SNRPD3: variants seen among roughly 807,000 people sequenced by gnomAD.
The protein encoded by SNRPD3 is small nuclear ribonucleoprotein Sm D3.
For missense variants in SNRPD3, 73 were observed against 167.5 expected (o/e 0.44, Z 3.11); for synonymous variants, 66 against 58.4 (o/e 1.13, Z -0.59).
At chr22:24,556,114 G>A in intron 1 of SNRPD3, 43 bp downstream of exon 1, 1 of 547,738 alleles carries the variant, frequency 1.8e-6, no homozygotes, top group Non-Finnish European at 3.3e-6. Flanking sequence ...GCGCCTGTGA[G>A]GGGCCAGGGG....
At chr22:24,571,055 G>C (rs2045245987) in intron 3 of SNRPD3, among the ~76,000 whole-genome samples, 1 of 152,012 alleles carries the variant, frequency 6.6e-6, no homozygotes, top group South Asian at 2.1e-4. Flanking sequence ...ATGACCTCAA[G>C]TGATCTGCCT....
chr22:24,565,753 C>A (rs752572750), intron 2 of SNRPD3, among the ~76,000 whole-genome samples: 1 of 152,052 alleles, frequency 6.6e-6, no homozygotes, highest in Non-Finnish European at 1.5e-5. Context: ...CTCTACCTCC[C>A]GGGTTCAAGT....
chr22:24,567,767 A>T (rs201425088), intron 2 of SNRPD3, among the ~76,000 whole-genome samples: 1 of 14,700 alleles, frequency 6.8e-5, no homozygotes, highest in Admixed American at 1.1e-3. Context: ...GGGGGGGAGC[A>T]CTCATACCCA....
rs2045263291 is a variant in SNRPD3, at chr22:24,573,058, A to G, written c.*1081A>G. On this transcript the variant is annotated 3_prime_UTR_variant, in exon 4 of 4. Coordinates refer to ENST00000215829, the MANE Select transcript of SNRPD3 (RefSeq NM_004175.5). The stretch of plus-strand genomic sequence containing the variant: ...TCTCTACAAAAAATTCTAAAAATTA[A>G]CTTGGCATGGTGGTGCACACCTGTA... Among the ~76,000 whole-genome samples, 1 of 151,940 alleles carries G rather than the reference A, an allele frequency of 6.6e-6. No individual in the cohort carries two copies. Among genetic ancestry groups the G allele is most frequent in the Admixed American group, 6.6e-5 (1 of 15,240 alleles).
At chr22:24,558,173 T>C (rs2045099102) in intron 2 of SNRPD3, 1 of 158,534 alleles carries the variant, frequency 6.3e-6, no homozygotes. Flanking sequence ...ACCTACTGTA[T>C]TTGTTTCCCT....
At chr22:24,570,510 C>G (rs2147131411) in intron 3 of SNRPD3, among the ~76,000 whole-genome samples, 1 of 152,096 alleles carries the variant, frequency 6.6e-6, no homozygotes, top group East Asian at 1.9e-4. Context: ...CAGTGAAACC[C>G]CGTCTCTACT....
Position 24,572,898 on chromosome 22 carries a change from C to G in SNRPD3, c.*921C>G. ...CAGAGCATCTCAGCATTGATTGGCA[C>G]ATCCATAGTTGTTAATGTAGGAAGG... On this transcript the variant is annotated 3_prime_UTR_variant, in exon 4 of 4. Coordinates refer to ENST00000215829, the MANE Select transcript of SNRPD3 (RefSeq NM_004175.5). 1 of 152,252 alleles carries G rather than the reference C, an allele frequency of 6.6e-6. No individual in the cohort carries two copies. Among genetic ancestry groups the G allele is most frequent in the East Asian group, 1.9e-4 (1 of 5,208 alleles). 9.4% of individuals were successfully genotyped at this position (152,252 alleles called of 1,614,324 possible). A position where few individuals can be genotyped will look rare whatever the true frequency, so the allele number is the denominator to read the frequency against.
chr22:24,566,458 C>A (rs948082248), intron 2 of SNRPD3, among the ~76,000 whole-genome samples: 2 of 152,060 alleles, frequency 1.3e-5, no homozygotes, highest in Non-Finnish European at 2.9e-5. Flanking sequence ...GATGAGGTCT[C>A]ACTGTGTTGC....
intron 2 of SNRPD3, among the ~76,000 whole-genome samples, chr22:24,563,202 ATATATGTGTGTG>A (rs1274857573): frequency 7.2e-6 from 1 of 138,814 alleles, no homozygotes; most frequent in Non-Finnish European, 1.5e-5. Flanking sequence ...ACCCTGTCTC[ATATATGTGTGTG>A]TGTGTGTGTG....
At chr22:24,557,537 T>C (rs2045088981) in intron 1 of SNRPD3, 120 bp from the exon 2 acceptor site, 2 of 644,924 alleles carry the variant, frequency 3.1e-6, no homozygotes, top group South Asian at 3.7e-5. Flanking sequence ...TGGTAGAAAA[T>C]GCAGCTTTGG....
At chr22:24,555,798 C>A, upstream of SNRPD3, 9 of 1,548,824 alleles carry the variant, frequency 5.8e-6, no homozygotes, top group Non-Finnish European at 7.8e-6. Flanking sequence ...CCCCAAGGGT[C>A]GTTGCGGCGG....
At chr22:24,561,708 T>A (rs1439085934) in intron 2 of SNRPD3, among the ~76,000 whole-genome samples, 1 of 152,190 alleles carries the variant, frequency 6.6e-6, no homozygotes, top group Non-Finnish European at 1.5e-5. Context: ...TTTTCTGTTA[T>A]AAAAGTGGGG....
In SNRPD3 at chr22:24,560,715, CT is replaced by C. The variant is rs59348518; in HGVS notation, c.126+2945del. ...ACAGGCGTGAGCCACTGCACCTGGC[CT>C]TTTTTTTTTTTTTTTTTTTTTTTTT... On this transcript the variant is annotated intron_variant, in intron 2 of 3. Coordinates refer to ENST00000215829, the MANE Select transcript of SNRPD3 (RefSeq NM_004175.5). 1.9e-4 allele frequency among the ~76,000 whole-genome samples: 19 copies of C among 98,848 alleles called. 2 individuals are homozygous for C. Among genetic ancestry groups the C allele is most frequent in the South Asian group, 1.1e-3 (3 of 2,768 alleles). 64.8% of individuals were successfully genotyped at this position (98,848 alleles called of 152,430 possible). A position where few individuals can be genotyped will look rare whatever the true frequency, so the allele number is the denominator to read the frequency against.
At chr22:24,569,613 A>T (rs572946178) in intron 3 of SNRPD3, among the ~76,000 whole-genome samples, 1 of 152,290 alleles carries the variant, frequency 6.6e-6, no homozygotes, top group South Asian at 2.1e-4. Flanking sequence ...GAAAAACCAC[A>T]GGTTGAGGGC....
At chr22:24,563,471 G>A (rs1456919199) in intron 2 of SNRPD3, among the ~76,000 whole-genome samples, 1 of 151,976 alleles carries the variant, frequency 6.6e-6, no homozygotes, top group Non-Finnish European at 1.5e-5. Flanking sequence ...CCAAGCACTG[G>A]TGGCCAGTGC....
intron 2 of SNRPD3, among the ~76,000 whole-genome samples, chr22:24,563,308 T>TA (rs1258332906): frequency 3.5e-4 from 44 of 124,892 alleles, no homozygotes; most frequent in East Asian, 1.7e-3. Context: ...ATATATATAT[T>TA]TTTTTTTTTA....
intron 2 of SNRPD3, among the ~76,000 whole-genome samples, chr22:24,562,361 G>A (rs2045151785): frequency 6.6e-6 from 1 of 152,166 alleles, no homozygotes; most frequent in Non-Finnish European, 1.5e-5. Flanking sequence ...CTAACACGGT[G>A]AAACCCTGTC....
rs929608803 is a variant in SNRPD3, at chr22:24,573,174, A to G, written c.*1197A>G. Among the ~76,000 whole-genome samples, 6 of 152,276 alleles carry G rather than the reference A, an allele frequency of 3.9e-5. No homozygotes were observed. The highest frequency in any genetic ancestry group is 1.3e-4 in the Admixed American group (2 of 15,296). Reference sequence around the variant, plus strand: ...AGCTATGACCTTGCCACTGTACTCCAGCCTGGGCAAAAGAGCAAGACTTTG... The same window carrying G: ...AGCTATGACCTTGCCACTGTACTCCGGCCTGGGCAAAAGAGCAAGACTTTG... On this transcript the variant is annotated 3_prime_UTR_variant, in exon 4 of 4. Coordinates refer to ENST00000215829, the MANE Select transcript of SNRPD3 (RefSeq NM_004175.5).
rs2045212502 is a variant in SNRPD3 at position 24,568,010 on chromosome 22, A to G, written c.153A>G (p.Arg51=). 1.2e-6 allele frequency: 2 copies of G among 1,610,800 alleles called. No homozygotes were observed. The highest frequency in any genetic ancestry group is 8.5e-7 in the Non-Finnish European group (1 of 1,178,802). The change falls in exon 3 of 4, where the codon AGA becomes AGG. Residue 51 remains arginine (R), a synonymous_variant. Transcript: ENST00000215829. ...CQMSNITVTY[R]DGRVAQLEQV... is the part of the protein sequence containing the mutation. ...TGTCCAACATCACAGTCACATACAG[A>G]GATGGCCGAGTGGCACAGCTGGAGC... is the stretch of plus-strand genomic sequence containing the variant.
Sources: allele counts gnomAD v4.1 joint callset (sites outside exome capture counted in the v4.1 genomes callset), GRCh38; gene constraint gnomAD v4.1.1; transcripts MANE v1.5; gene names NCBI Gene and HGNC (gene_info 2026-07-23, HGNC 2026-07-21).